GRID2: variants seen among roughly 807,000 people sequenced by gnomAD.
GRID2 encodes glutamate ionotropic receptor delta type subunit 2.
GRID2 carries 33 observed loss-of-function variants against 114.8 expected under a neutral mutation model. The ratio of observed to expected loss-of-function variants is 0.29; its 90% CI spans 0.22 to 0.38. GRID2 has a LOEUF of 0.38. Among genes scored for constraint, GRID2 ranks in the 10% least tolerant of loss-of-function variants. The pLI, the probability that GRID2 is intolerant of heterozygous loss-of-function variation, is 1.00. For synonymous variants in GRID2, 505 were observed against 449.9 expected, an observed-to-expected ratio of 1.12 and a Z score of -1.55; for missense variants, 1,184 against 1,257.7, an observed-to-expected ratio of 0.94 and a Z score of 0.89.
intron 2 of GRID2, among the ~76,000 whole-genome samples, chr4:92,635,044 T>C (rs961406831): frequency 6.6e-6 from 1 of 152,086 alleles, no homozygotes; most frequent in African/African-American, 2.4e-5. Context: ...GCCAAGTGCA[T>C]GGTGATTTTG....
At chr4:93,001,435 A>T (rs1301302899) in intron 2 of GRID2, among the ~76,000 whole-genome samples, 2 of 151,690 alleles carry the variant, frequency 1.3e-5, no homozygotes, top group East Asian at 1.9e-4. Context: ...TAAATGAATA[A>T]TATGAATTAT....
At chr4:92,590,367 A>T in intron 2 of GRID2, 81 bp downstream of exon 2, 1 of 959,322 alleles carries the variant, frequency 1.0e-6, no homozygotes, top group Non-Finnish European at 1.6e-6. Flanking sequence ...CTTATTAAAC[A>T]TGGACATCAT....
intron 13 of GRID2, among the ~76,000 whole-genome samples, chr4:93,578,585 G>GTTTTTTTTT (rs1736642083): frequency 1.7e-5 from 2 of 115,254 alleles, no homozygotes; most frequent in African/African-American, 7.6e-5. Context: ...CTTGTTTTTT[G>GTTTTTTTTT]TATTTTTTTT....
intron 2 of GRID2, among the ~76,000 whole-genome samples, chr4:92,627,306 T>C (rs1413020554): frequency 1.3e-5 from 2 of 152,128 alleles, no homozygotes; most frequent in African/African-American, 4.8e-5. Flanking sequence ...TTACATTCTC[T>C]ATTTTTAACT....
At chr4:93,304,290 A>G (rs972420229) in intron 8 of GRID2, among the ~76,000 whole-genome samples, 5 of 148,982 alleles carry the variant, frequency 3.4e-5, no homozygotes, top group African/African-American at 1.2e-4. Context: ...AAGAGAACCC[A>G]CTGTTATCTA....
intron 2 of GRID2, among the ~76,000 whole-genome samples, chr4:92,818,198 C>A (rs868298278): frequency 2.2e-4 from 34 of 152,224 alleles, no homozygotes; most frequent in Middle Eastern, 3.4e-3. Flanking sequence ...TAATTATAAA[C>A]TGATAAGCAG....
intron 13 of GRID2, among the ~76,000 whole-genome samples, chr4:93,597,739 C>G (rs1374087033): frequency 6.6e-6 from 1 of 152,180 alleles, no homozygotes; most frequent in Non-Finnish European, 1.5e-5. Flanking sequence ...TCAGCTGCTT[C>G]TTTCTACTTC....
chr4:93,183,905 T>A (rs1287495550), intron 4 of GRID2, among the ~76,000 whole-genome samples: 1 of 152,206 alleles, frequency 6.6e-6, no homozygotes, highest in East Asian at 1.9e-4. Flanking sequence ...GATTTTTAAG[T>A]GTCCACTGTA....
chr4:93,328,025 G>A (rs1445864955), intron 8 of GRID2, among the ~76,000 whole-genome samples: 14 of 151,822 alleles, frequency 9.2e-5, no homozygotes, highest in Admixed American at 2.6e-4. Flanking sequence ...CCTTTAAAAC[G>A]TGTCCTGGCC....
At chr4:93,632,313 T>A (rs991992927) in intron 14 of GRID2, among the ~76,000 whole-genome samples, 18 of 152,318 alleles carry the variant, frequency 1.2e-4, no homozygotes, top group Middle Eastern at 3.4e-3. Flanking sequence ...CTGAATGGTA[T>A]TGCCTAGGTT....
intron 2 of GRID2, among the ~76,000 whole-genome samples, chr4:92,601,729 TCCAGGA>T (rs1475640618): frequency 1.3e-5 from 2 of 151,128 alleles, no homozygotes; most frequent in Admixed American, 1.3e-4. Context: ...CAAAAATAAA[TCCAGGA>T]TTTATTATTA....
chr4:92,785,361 A>G (rs1427249091), intron 2 of GRID2, among the ~76,000 whole-genome samples: 1 of 151,228 alleles, frequency 6.6e-6, no homozygotes, highest in African/African-American at 2.4e-5. Context: ...TTAATTCTTC[A>G]GCTCTCTAGC....
intron 8 of GRID2, among the ~76,000 whole-genome samples, chr4:93,378,795 C>T (rs527649400): frequency 6.6e-6 from 1 of 152,000 alleles, no homozygotes; most frequent in African/African-American, 2.4e-5. Context: ...ATCTGGTGCT[C>T]TATTCTGCTG....
intron 13 of GRID2, among the ~76,000 whole-genome samples, chr4:93,612,312 T>C (rs1456576237): frequency 4.6e-5 from 7 of 151,242 alleles, no homozygotes; most frequent in Non-Finnish European, 8.9e-5. Context: ...TCCATTTACA[T>C]TTAAAGTTAA....
chr4:93,122,350 A>G (rs551515813), intron 4 of GRID2, among the ~76,000 whole-genome samples: 1 of 152,300 alleles, frequency 6.6e-6, no homozygotes, highest in South Asian at 2.1e-4. Flanking sequence ...GTCTAAATGG[A>G]AAGAATAATA....
intron 11 of GRID2, among the ~76,000 whole-genome samples, chr4:93,476,210 GAT>G (rs1420213429): frequency 6.6e-6 from 1 of 152,056 alleles, no homozygotes; most frequent in Non-Finnish European, 1.5e-5. Flanking sequence ...GGTATACAAT[GAT>G]GTGTTAAAAG....
chr4:93,228,053 T>G (rs1214071627), intron 7 of GRID2, among the ~76,000 whole-genome samples: 1 of 152,212 alleles, frequency 6.6e-6, no homozygotes, highest in African/African-American at 2.4e-5. Context: ...TTCAAGCCTC[T>G]ACCTTTATGC....
At chr4:93,379,842 A>G (rs115776164) in intron 8 of GRID2, among the ~76,000 whole-genome samples, 3,234 of 152,150 alleles carry the variant, frequency 0.021, 64 homozygotes, top group Middle Eastern at 0.045. Flanking sequence ...CTCTATTCTA[A>G]TTTGAATACA....
At chr4:92,341,858 T>C (rs1727508417) in intron 1 of GRID2, among the ~76,000 whole-genome samples, 1 of 148,352 alleles carries the variant, frequency 6.7e-6, no homozygotes, top group Admixed American at 6.8e-5. Flanking sequence ...GAGCTTGCAG[T>C]GAGCTGAGAT....
Sources: allele counts gnomAD v4.1 joint callset (sites outside exome capture counted in the v4.1 genomes callset), GRCh38; gene constraint gnomAD v4.1.1; transcripts MANE v1.5; gene names NCBI Gene and HGNC (gene_info 2026-07-23, HGNC 2026-07-21).